ORC4: variants seen among roughly 807,000 people sequenced by gnomAD.
The protein encoded by ORC4 is origin recognition complex subunit 4.
A neutral mutation model predicts 63.9 loss-of-function variants in ORC4; 55 were observed. That is an observed-to-expected ratio of 0.86 (90% CI 0.69 to 1.08). The LOEUF (loss-of-function observed/expected upper bound fraction) is 1.08. Ranked by LOEUF, ORC4 falls within the 50% of genes least tolerant of loss-of-function variation. The pLI is 0.00. For missense variants in ORC4, 511 were observed against 504.4 expected (o/e 1.01, Z -0.13); for synonymous variants, 150 against 168.5 (o/e 0.89, Z 0.85).
intron 1 of ORC4, among the ~76,000 whole-genome samples, chr2:148,001,459 A>G (rs1692303084): frequency 1.3e-5 from 2 of 152,198 alleles, no homozygotes; most frequent in Non-Finnish European, 2.9e-5. Flanking sequence ...AATAGTCAAC[A>G]TTCTTAAAGA....
intron 1 of ORC4, among the ~76,000 whole-genome samples, chr2:147,996,952 T>C (rs1692010767): frequency 6.6e-6 from 1 of 152,244 alleles, no homozygotes; most frequent in Admixed American, 6.5e-5. Context: ...ACCTGTACCT[T>C]CCTGTTTACA....
intron 8 of ORC4, among the ~76,000 whole-genome samples, chr2:147,950,487 C>T (rs1011039926): frequency 1.3e-5 from 2 of 152,158 alleles, no homozygotes; most frequent in African/African-American, 4.8e-5. Flanking sequence ...ATACTTGAGG[C>T]CAGGCGCAGT....
At chr2:147,939,102 T>C (rs1177344181) in intron 11 of ORC4, 38 bp downstream of exon 11, 7 of 1,281,882 alleles carry the variant, frequency 5.5e-6, no homozygotes, top group Non-Finnish European at 8.0e-6. Flanking sequence ...TTCAAAGTTT[T>C]AAAAACCACA....
chr2:147,979,605 G>A (rs1020683917), intron 1 of ORC4, among the ~76,000 whole-genome samples: 2 of 152,012 alleles, frequency 1.3e-5, no homozygotes, highest in African/African-American at 4.8e-5. Flanking sequence ...TGGACCCACA[G>A]AGACATTTAA....
chr2:147,943,986 T>C (rs890453491), intron 9 of ORC4, among the ~76,000 whole-genome samples: 22 of 152,098 alleles, frequency 1.4e-4, no homozygotes, highest in Non-Finnish European at 2.2e-4. Flanking sequence ...AATTATCACA[T>C]TGGCAGAAAA....
At chr2:147,987,297 C>T (rs532219681) in intron 1 of ORC4, among the ~76,000 whole-genome samples, 1 of 147,936 alleles carries the variant, frequency 6.8e-6, no homozygotes, top group East Asian at 2.0e-4. Flanking sequence ...CTTTTTCAAC[C>T]AAAATGGGCT....
In ORC4 at chr2:147,935,505, T is replaced by G. The variant is rs762192618; in HGVS notation, c.*5A>C. ...AAATGCCAAAGTTGAAGTCACTGGTTATATTCATAACCAGCTTAGTGAGGA... is the reference window on the plus strand; with the variant it reads ...AAATGCCAAAGTTGAAGTCACTGGTGATATTCATAACCAGCTTAGTGAGGA... On this transcript the variant is annotated 3_prime_UTR_variant, in exon 14 of 14. Coordinates refer to ENST00000392857, the MANE Select transcript of ORC4 (RefSeq NM_181741.4). 1 of 1,610,390 alleles carries G rather than the reference T, an allele frequency of 6.2e-7. No individual in the cohort carries two copies.
At chr2:147,978,699 G>T (rs1690702063) in intron 1 of ORC4, among the ~76,000 whole-genome samples, 1 of 152,076 alleles carries the variant, frequency 6.6e-6, no homozygotes, top group East Asian at 1.9e-4. Context: ...GATGAATATA[G>T]GTGCAAAAAT....
At chr2:148,006,636 T>C (rs753251289) in intron 1 of ORC4, among the ~76,000 whole-genome samples, 2 of 152,120 alleles carry the variant, frequency 1.3e-5, no homozygotes, top group African/African-American at 4.8e-5. Context: ...GATAGCAAGC[T>C]TTTGCTCCGG....
chr2:148,018,279 T>C (rs1439381085), intron 1 of ORC4, among the ~76,000 whole-genome samples: 2 of 152,160 alleles, frequency 1.3e-5, no homozygotes, highest in African/African-American at 4.8e-5. Context: ...AAAGCCACAT[T>C]CATCAAGTTG....
At chr2:148,017,366 T>G (rs1396106201) in intron 1 of ORC4, among the ~76,000 whole-genome samples, 1 of 152,260 alleles carries the variant, frequency 6.6e-6, no homozygotes, top group African/African-American at 2.4e-5. Context: ...ACTTGATCTA[T>G]ATTTTTATAT....
intron 1 of ORC4, among the ~76,000 whole-genome samples, chr2:147,982,856 T>C (rs912510627): frequency 3.9e-5 from 6 of 152,078 alleles, no homozygotes; most frequent in Admixed American, 2.6e-4. Flanking sequence ...TGACAAAAGA[T>C]CTGTATCTAA....
chr2:147,991,202 C>A (rs1691570442), intron 1 of ORC4, among the ~76,000 whole-genome samples: 1 of 152,004 alleles, frequency 6.6e-6, no homozygotes, highest in South Asian at 2.1e-4. Flanking sequence ...CATGCGCCAC[C>A]ACGCTCGGCT....
At chr2:147,955,763 A>G (rs1171017174) in intron 6 of ORC4, among the ~76,000 whole-genome samples, 1 of 152,042 alleles carries the variant, frequency 6.6e-6, no homozygotes, top group Non-Finnish European at 1.5e-5. Context: ...ATATAGTTTG[A>G]GACCTAGAAA....
At chr2:147,954,539 T>C (rs1304136953) in intron 7 of ORC4, among the ~76,000 whole-genome samples, 2 of 152,146 alleles carry the variant, frequency 1.3e-5, no homozygotes, top group Non-Finnish European at 1.5e-5. Flanking sequence ...ACAGTAAAAA[T>C]ATGGTTTTAT....
At chr2:147,998,390 G>A (rs1692103933) in intron 1 of ORC4, among the ~76,000 whole-genome samples, 1 of 152,194 alleles carries the variant, frequency 6.6e-6, no homozygotes, top group African/African-American at 2.4e-5. Context: ...ACGGGTAGAT[G>A]CCTCATAAAT....
At chr2:147,971,793 A>T (rs1690227956) in intron 4 of ORC4, among the ~76,000 whole-genome samples, 1 of 152,038 alleles carries the variant, frequency 6.6e-6, no homozygotes, top group Non-Finnish European at 1.5e-5. Flanking sequence ...CTAAAAAATT[A>T]CTGCAAATAT....
At position 148,014,448 on chromosome 2, in the gene ORC4, C is replaced by T. The variant is rs1226145105; in HGVS notation, c.-18+6185G>A. 2.0e-5 allele frequency among the ~76,000 whole-genome samples: 3 copies of T among 152,006 alleles called. No individual in the cohort carries two copies. The East Asian group carries it at 5.8e-4, about 29-fold the overall frequency. On this transcript the variant is annotated intron_variant, in intron 1 of 13. Coordinates refer to ENST00000392857, the MANE Select transcript of ORC4 (RefSeq NM_181741.4). Reference sequence around the variant, plus strand: ...AGAGACCTTTCCTAGAAAAATGTACCTTCTTAAAAAAGATACTATTATTCT... The same window carrying T: ...AGAGACCTTTCCTAGAAAAATGTACTTTCTTAAAAAAGATACTATTATTCT...
chr2:147,986,710 G>A (rs927057185), intron 1 of ORC4, among the ~76,000 whole-genome samples: 3 of 151,710 alleles, frequency 2.0e-5, no homozygotes, highest in Non-Finnish European at 4.4e-5. Context: ...TGTTGCAGGA[G>A]GATATGGGGA....
Sources: gnomAD v4.1 joint callset for allele counts (sites outside exome capture counted in the v4.1 genomes callset) on GRCh38, gnomAD v4.1.1 for gene constraint, MANE v1.5 for transcripts, NCBI Gene and HGNC (gene_info 2026-07-23, HGNC 2026-07-21) for gene names.